Variants in AUTS2 observed in about 807,000 individuals in gnomAD.
The protein encoded by AUTS2 is autism susceptibility gene 2 protein.
A neutral mutation model predicts 112.4 loss-of-function variants in AUTS2; 17 were observed. The ratio of observed to expected loss-of-function variants is 0.15; its 90% confidence interval spans 0.10 to 0.23. The LOEUF (loss-of-function observed/expected upper bound fraction) is 0.23, where lower values mean the gene tolerates loss of function less well. Ranked by LOEUF, AUTS2 falls within the 10% of genes least tolerant of loss-of-function variation. The probability of loss-of-function intolerance (pLI) is 1.00; values close to 1 mark genes in which losing one functional copy is unlikely to be tolerated. For missense variants in AUTS2, 1,510 were observed against 1,701.6 expected (o/e 0.89, Z 1.98); for synonymous variants, 751 against 702.7 (o/e 1.07, Z -1.09).
intron 1 of AUTS2, among the ~76,000 whole-genome samples, chr7:69,800,141 C>T (rs903237592): frequency 2.0e-5 from 3 of 152,262 alleles, no homozygotes; most frequent in Admixed American, 6.5e-5. Flanking sequence ...AAATATGTAA[C>T]AGGAAATTTG....
intron 1 of AUTS2, among the ~76,000 whole-genome samples, chr7:69,746,089 G>A (rs541159533): frequency 1.8e-4 from 27 of 151,864 alleles, no homozygotes; most frequent in Admixed American, 4.6e-4. Flanking sequence ...TACCAAGGCT[G>A]ATCTTGAAAT....
intron 4 of AUTS2, among the ~76,000 whole-genome samples, chr7:70,178,933 G>A (rs904283023): frequency 3.3e-5 from 5 of 152,198 alleles, no homozygotes; most frequent in African/African-American, 9.7e-5. Flanking sequence ...TGACTCATGA[G>A]GAAGTGTGTC....
chr7:70,727,317 G>T (rs1787096985), intron 6 of AUTS2, among the ~76,000 whole-genome samples: 1 of 152,190 alleles, frequency 6.6e-6, no homozygotes, highest in African/African-American at 2.4e-5. Context: ...GTGTTTGTTA[G>T]AGCCCCAAAT....
At chr7:69,690,967 C>G (rs1207423917) in intron 1 of AUTS2, among the ~76,000 whole-genome samples, 1 of 151,298 alleles carries the variant, frequency 6.6e-6, no homozygotes, top group Non-Finnish European at 1.5e-5. Flanking sequence ...GCAGGTCATC[C>G]TGACGAGTTT....
chr7:69,812,445 G>C (rs1341491193), intron 1 of AUTS2, among the ~76,000 whole-genome samples: 1 of 152,098 alleles, frequency 6.6e-6, no homozygotes. Flanking sequence ...TGATAAATTT[G>C]GGCACTAGAG....
chr7:70,284,039 C>T (rs531179870), intron 4 of AUTS2, among the ~76,000 whole-genome samples: 23 of 152,238 alleles, frequency 1.5e-4, no homozygotes, highest in African/African-American at 5.1e-4. Flanking sequence ...CACCCAAAAT[C>T]ATATTTTATT....
At chr7:70,244,050 C>T (rs190029859) in intron 4 of AUTS2, among the ~76,000 whole-genome samples, 27 of 152,086 alleles carry the variant, frequency 1.8e-4, no homozygotes, top group African/African-American at 6.3e-4. Flanking sequence ...TGAGAGGGTA[C>T]TGTGTGAGTT....
At chr7:70,111,504 A>C (rs1805087720) in intron 2 of AUTS2, among the ~76,000 whole-genome samples, 1 of 152,200 alleles carries the variant, frequency 6.6e-6, no homozygotes, top group South Asian at 2.1e-4. Flanking sequence ...ATCACCATAC[A>C]ACATTGCCAT....
intron 11 of AUTS2, among the ~76,000 whole-genome samples, chr7:70,772,653 T>TG (rs1295299045): frequency 1.3e-5 from 2 of 152,298 alleles, no homozygotes; most frequent in South Asian, 4.1e-4. Flanking sequence ...GCATTAGAGG[T>TG]GGGGTCCCCT....
intron 3 of AUTS2, among the ~76,000 whole-genome samples, chr7:70,127,276 C>T (rs1013937055): frequency 6.6e-6 from 1 of 151,452 alleles, no homozygotes; most frequent in Non-Finnish European, 1.5e-5. Flanking sequence ...TGGGATTATA[C>T]ACAAGTGCTA....
intron 2 of AUTS2, among the ~76,000 whole-genome samples, chr7:70,037,763 C>T (rs912064128): frequency 6.6e-6 from 1 of 152,028 alleles, no homozygotes; most frequent in African/African-American, 2.4e-5. Context: ...GGACATGTCT[C>T]AGTTTTCTCA....
intron 4 of AUTS2, among the ~76,000 whole-genome samples, chr7:70,314,822 C>A (rs766589341): frequency 3.3e-5 from 5 of 152,178 alleles, no homozygotes; most frequent in Non-Finnish European, 7.3e-5. Flanking sequence ...CTTCAACCAA[C>A]GCTTACAGTC....
At chr7:70,758,593 A>AT (rs1037330021) in intron 6 of AUTS2, among the ~76,000 whole-genome samples, 54 of 152,330 alleles carry the variant, frequency 3.5e-4, no homozygotes, top group African/African-American at 1.2e-3. Context: ...ATGATGAACT[A>AT]TTTTTATAAT....
At chr7:70,535,201 A>T (rs1434066331) in intron 5 of AUTS2, among the ~76,000 whole-genome samples, 3 of 152,112 alleles carry the variant, frequency 2.0e-5, no homozygotes, top group South Asian at 4.1e-4. Context: ...TAACTACCTT[A>T]TGGGATTATT....
intron 5 of AUTS2, among the ~76,000 whole-genome samples, chr7:70,683,246 G>A (rs1180190006): frequency 2.7e-5 from 4 of 149,474 alleles, no homozygotes; most frequent in African/African-American, 4.9e-5. Context: ...TTGGCAATTC[G>A]TGGAAAGGAC....
rs371707014 is a variant in AUTS2, at chr7:70,254,453, TAACCTGATC to T, written c.660+119884_660+119892del. Among the ~76,000 whole-genome samples the T allele has an allele frequency of 1.6e-3, 249 of 152,300 alleles. 6 individuals are homozygous for T. The highest frequency in any genetic ancestry group is 5.7e-3 in the African/African-American group (235 of 41,570). On this transcript the variant is annotated intron_variant, in intron 4 of 18. Transcript: ENST00000342771. ...ACCATCATGAATTCCAGGTGCTCTG[TAACCTGATC>T]AGGTTGGAGAACTGCTGATGCAACC...
chr7:69,864,992 T>C (rs1793154773), intron 1 of AUTS2, among the ~76,000 whole-genome samples: 2 of 152,194 alleles, frequency 1.3e-5, no homozygotes, highest in Admixed American at 6.5e-5. Flanking sequence ...ACAAATAACC[T>C]GCAGGGTGGA....
At chr7:70,342,419 G>T (rs1701381650) in intron 4 of AUTS2, among the ~76,000 whole-genome samples, 2 of 151,686 alleles carry the variant, frequency 1.3e-5, no homozygotes, top group African/African-American at 4.9e-5. Flanking sequence ...CAGAAAATGG[G>T]CATCCTTGCT....
At chr7:69,958,027 C>T (rs1357144147) in intron 2 of AUTS2, among the ~76,000 whole-genome samples, 1 of 152,148 alleles carries the variant, frequency 6.6e-6, no homozygotes, top group Non-Finnish European at 1.5e-5. Context: ...GGGCGAAGGA[C>T]AGGCATTCAT....
Sources: allele counts gnomAD v4.1 joint callset (sites outside exome capture counted in the v4.1 genomes callset), GRCh38; gene constraint gnomAD v4.1.1; transcripts MANE v1.5; gene names NCBI Gene and HGNC (gene_info 2026-07-23, HGNC 2026-07-21).